DAB2IP: variants seen among roughly 807,000 people sequenced by gnomAD.
DAB2IP encodes disabled homolog 2-interacting protein.
Under a neutral mutation model 107.2 loss-of-function variants are expected in DAB2IP, and 28 were observed. The ratio of observed to expected loss-of-function variants is 0.26; its 90% CI spans 0.19 to 0.36. DAB2IP has a LOEUF of 0.36. Among genes scored for constraint, DAB2IP ranks in the 10% least tolerant of loss-of-function variants. The pLI is 1.00. For missense variants in DAB2IP, 1,400 were observed against 1,644.7 expected, an observed-to-expected ratio of 0.85 and a Z score of 2.57; for synonymous variants, 755 against 706.4, an observed-to-expected ratio of 1.07 and a Z score of -1.09.
rs541576576 is a variant in DAB2IP at position 121,768,637 on chromosome 9, C to G, written c.1899+4C>G. 1.9e-6 allele frequency: 3 copies of G among 1,613,332 alleles called. No individual in the cohort carries two copies. Among genetic ancestry groups the G allele is most frequent in the African/African-American group, 1.3e-5 (1 of 75,036 alleles). ...GGCCGTCAGCCAGCTGGAGCAGGTGCCTGTTGCCGTGGGGCGGAGGTGGGG... is the reference window on the plus strand; with the variant it reads ...GGCCGTCAGCCAGCTGGAGCAGGTGGCTGTTGCCGTGGGGCGGAGGTGGGG... On this transcript the variant is annotated splice_donor_region_variant and intron_variant, in intron 10 of 15. Coordinates refer to ENST00000408936, the Ensembl canonical transcript of DAB2IP.
chr9:121,748,076 A>G (rs532128966), intron 3 of DAB2IP, among the ~76,000 whole-genome samples: 1 of 152,144 alleles, frequency 6.6e-6, no homozygotes, highest in African/African-American at 2.4e-5. Context: ...TTGCTATTAC[A>G]TTATTACAGG....
intron 2 of DAB2IP, among the ~76,000 whole-genome samples, chr9:121,687,748 G>C (rs951475236): frequency 6.6e-6 from 1 of 152,168 alleles, no homozygotes; most frequent in South Asian, 2.1e-4. Flanking sequence ...ACTCATAGAA[G>C]GTGACAAAAT....
chr9:121,627,619 C>T (rs1007538000), intron 1 of DAB2IP, among the ~76,000 whole-genome samples: 1 of 152,000 alleles, frequency 6.6e-6, no homozygotes, highest in Admixed American at 6.6e-5. Context: ...CATGATCTTC[C>T]TGTGTATGAA....
Position 121,699,254 on chromosome 9 carries a change from G to A in DAB2IP, c.229-71G>A, listed in dbSNP as rs1203387123. 4 of 1,180,644 alleles carry A rather than the reference G, an allele frequency of 3.4e-6. No homozygotes were observed. The East Asian group carries it at 1.6e-4, about 48-fold the overall frequency. 73.1% of individuals were successfully genotyped at this position (1,180,644 alleles called of 1,614,324 possible). On this transcript the variant is annotated intron_variant, in intron 2 of 15. Coordinates refer to ENST00000408936, the Ensembl canonical transcript of DAB2IP. This position sits in a 1 kb window ranked among gnomAD's most constrained non-coding sequence, Gnocchi z 6.2. ...GCCGCCCAGCAAGGGTGCGGGTCCC[G>A]CGCGGGTCCCGGCCCGCCGCCGCCG... is the stretch of plus-strand genomic sequence containing the variant.
At chr9:121,641,970 CTCTT>C (rs1204457752) in intron 1 of DAB2IP, among the ~76,000 whole-genome samples, 1,224 of 104,418 alleles carry the variant, frequency 0.012, 35 homozygotes, top group Non-Finnish European at 0.014. Flanking sequence ...TTCTCTCTCT[CTCTT>C]TCTTTCTTTC....
chr9:121,712,558 TG>T (rs1337289669), intron 3 of DAB2IP, among the ~76,000 whole-genome samples: 2 of 152,140 alleles, frequency 1.3e-5, no homozygotes, highest in African/African-American at 2.4e-5. Flanking sequence ...TCCCTTTTGA[TG>T]GTGTTTCATT....
chr9:121,784,732 C>T (rs1458752085), exon 16 of DAB2IP: 1 of 154,196 alleles, frequency 6.5e-6, no homozygotes, highest in Non-Finnish European at 1.5e-5. Context: ...ATTTCTGAAT[C>T]TAGAGAACAG....
At chr9:121,729,082 C>T (rs923210907) in intron 3 of DAB2IP, among the ~76,000 whole-genome samples, 3 of 152,164 alleles carry the variant, frequency 2.0e-5, no homozygotes, top group Non-Finnish European at 4.4e-5. Flanking sequence ...CAGGCTTCCT[C>T]CCAGGTACTT....
At chr9:121,678,952 C>A in intron 2 of DAB2IP, 171 bp downstream of exon 2, 1 of 607,036 alleles carries the variant, frequency 1.6e-6, no homozygotes. Context: ...ATCTCCGTGG[C>A]TCAGCCCTGG....
chr9:121,731,416 A>G (rs1180782696), intron 3 of DAB2IP, among the ~76,000 whole-genome samples: 2 of 152,242 alleles, frequency 1.3e-5, no homozygotes, highest in South Asian at 4.1e-4. Context: ...AGTCTAGAGA[A>G]ACATTGGGAG....
chr9:121,776,429 G>A lies in DAB2IP; in HGVS notation c.3314+38G>A, dbSNP rs943220635. 1 of 1,476,086 alleles carries A rather than the reference G, an allele frequency of 6.8e-7. No homozygotes were observed. The highest frequency in any genetic ancestry group is 1.4e-5 in the African/African-American group (1 of 70,096). 91.4% of individuals were successfully genotyped at this position (1,476,086 alleles called of 1,614,324 possible). On this transcript the variant is annotated intron_variant, in intron 14 of 15. Coordinates refer to ENST00000408936, the Ensembl canonical transcript of DAB2IP. This position sits in a 1 kb window ranked among gnomAD's most constrained non-coding sequence, Gnocchi z 5.4. The stretch of plus-strand genomic sequence containing the variant: ...CCTGCCTGGCCTGGCCACAGGCACA[G>A]GCAGGGCAGCCATCGCTGCCTTCGA...
rs1277413515 is a variant in DAB2IP, at chr9:121,662,183, G to A, written c.124+10284G>A. Among the ~76,000 whole-genome samples, 1 of 152,144 alleles carries A rather than the reference G, an allele frequency of 6.6e-6. No homozygotes were observed. Among genetic ancestry groups the A allele is most frequent in the Non-Finnish European group, 1.5e-5 (1 of 68,018 alleles). ...AAATATTCTAAAGTAGAACAGAAAA[G>A]CATAGAAAATAATATTGCAGACACC... On this transcript the variant is annotated intron_variant, in intron 1 of 15. Coordinates refer to ENST00000408936, the Ensembl canonical transcript of DAB2IP. The surrounding 1 kb of genome is among the most constrained non-coding windows in gnomAD (Gnocchi z 4.6).
intron 3 of DAB2IP, among the ~76,000 whole-genome samples, chr9:121,712,594 T>A (rs752771191): frequency 2.0e-5 from 3 of 152,170 alleles, no homozygotes; most frequent in Non-Finnish European, 4.4e-5. Flanking sequence ...CTCTGACGCA[T>A]GGCCTTGTCT....
chr9:121,665,094 G>C (rs1571801), intron 1 of DAB2IP, among the ~76,000 whole-genome samples: 1 of 152,126 alleles, frequency 6.6e-6, no homozygotes, highest in Non-Finnish European at 1.5e-5. Flanking sequence ...GTTTCAAAAT[G>C]ATATGGAAAA....
At chr9:121,617,834 A>G (rs957896412) in intron 1 of DAB2IP, among the ~76,000 whole-genome samples, 1 of 152,226 alleles carries the variant, frequency 6.6e-6, no homozygotes, top group African/African-American at 2.4e-5. Context: ...GGAGCTCATC[A>G]GATGCCCAGT....
At chr9:121,611,531 AAC>A (rs1370170618) in intron 1 of DAB2IP, among the ~76,000 whole-genome samples, 1 of 152,158 alleles carries the variant, frequency 6.6e-6, no homozygotes, top group Non-Finnish European at 1.5e-5. Context: ...CAGTATTCTT[AAC>A]TATAAATTGC....
At chr9:121,630,574 C>A (rs191619415) in intron 1 of DAB2IP, among the ~76,000 whole-genome samples, 3 of 151,168 alleles carry the variant, frequency 2.0e-5, no homozygotes, top group Non-Finnish European at 4.4e-5. Flanking sequence ...CCACCACACC[C>A]GGCTAATTTT....
rs911003805 is a variant in DAB2IP at position 121,698,870 on chromosome 9, G to T, written c.229-455G>T. ...GGGGGGCGTGGATTCCTCCAGGTGGGTGTGGGGGGTGTGACCTCGCACGGG... is the reference window on the plus strand; with the variant it reads ...GGGGGGCGTGGATTCCTCCAGGTGGTTGTGGGGGGTGTGACCTCGCACGGG... On this transcript the variant is annotated intron_variant, in intron 2 of 15. Coordinates refer to ENST00000408936, the Ensembl canonical transcript of DAB2IP. This position sits in a 1 kb window ranked among gnomAD's most constrained non-coding sequence, Gnocchi z 4.1. 2.0e-5 allele frequency among the ~76,000 whole-genome samples: 3 copies of T among 152,228 alleles called. No individual in the cohort carries two copies. The highest frequency in any genetic ancestry group is 1.9e-4 in the East Asian group (1 of 5,146).
exon 10 of DAB2IP, chr9:121,768,522 C>T (rs1185994639): frequency 1.9e-6 from 3 of 1,614,230 alleles, no homozygotes; most frequent in Admixed American, 3.3e-5. Flanking sequence ...TGGAGATCTC[C>T]AACCCCGAGA....
Sources: gnomAD v4.1 joint callset for allele counts (sites outside exome capture counted in the v4.1 genomes callset) on GRCh38, gnomAD v4.1.1 for gene constraint, Gnocchi (gnomAD v3.1) non-coding constraint, MANE v1.5 for transcripts, NCBI Gene and HGNC (gene_info 2026-07-23, HGNC 2026-07-21) for gene names.